Variants in AGAP9 observed in about 807,000 individuals in gnomAD.
The protein encoded by AGAP9 is arf-GAP with GTPase, ANK repeat and PH domain-containing protein 9.
In AGAP9, 23 loss-of-function variants were observed where a neutral mutation model predicts 55.6. That is an observed-to-expected ratio of 0.41 (90% confidence interval 0.30 to 0.59). The LOEUF (loss-of-function observed/expected upper bound fraction) is 0.59. Among genes scored for constraint, AGAP9 ranks in the 20% least tolerant of loss-of-function variants. The probability of loss-of-function intolerance (pLI) is 0.25; values close to 1 mark genes in which losing one functional copy is unlikely to be tolerated. For synonymous variants in AGAP9, 120 were observed against 305.0 expected (o/e 0.39, Z 6.32); for missense variants, 309 against 808.1 (o/e 0.38, Z 7.49).
At chr10:47,505,984 CT>C (rs1840468862) in intron 6 of AGAP9, among the ~76,000 whole-genome samples, 2 of 142,756 alleles carry the variant, frequency 1.4e-5, no homozygotes, top group Admixed American at 7.1e-5. Context: ...CTACTGTAGG[CT>C]TGGCAGCTTT....
chr10:47,510,764 A>G lies in AGAP9; in HGVS notation c.397-493T>C, dbSNP rs1325751345. Reference sequence around the variant, plus strand: ...AGAATGGGGCGAACCCAGGAGGCAGAGCTTGCAGTGAGCCGAGTTCGCGCC... The same window carrying G: ...AGAATGGGGCGAACCCAGGAGGCAGGGCTTGCAGTGAGCCGAGTTCGCGCC... On this transcript the variant is annotated intron_variant, in intron 4 of 7. Coordinates refer to ENST00000452145, the MANE Select transcript of AGAP9 (RefSeq NM_001190810.1). 1.8e-5 allele frequency among the ~76,000 whole-genome samples: 2 copies of G among 108,640 alleles called. 1 individual carries two copies. Among genetic ancestry groups the G allele is most frequent in the Non-Finnish European group, 3.5e-5 (2 of 57,538 alleles). The allele number at this position is 108,640 out of a possible 152,430, so 71.3% of individuals were successfully genotyped here. A position where few individuals can be genotyped will look rare whatever the true frequency, so the allele number is the denominator to read the frequency against.
chr10:47,510,585 C>CT (rs1267544356), intron 4 of AGAP9, among the ~76,000 whole-genome samples: 1 of 121,174 alleles, frequency 8.3e-6, no homozygotes, highest in Non-Finnish European at 1.7e-5. Flanking sequence ...AATCCTAGCA[C>CT]TTTGGGAGGT....
intron 4 of AGAP9, among the ~76,000 whole-genome samples, chr10:47,513,375 C>T (rs1301533072): frequency 1.1e-4 from 15 of 142,250 alleles, no homozygotes; most frequent in Admixed American, 5.0e-4. Flanking sequence ...CAAAACATTG[C>T]TGAATGAAGT....
rs1840581784 is a variant in AGAP9 at position 47,510,394 on chromosome 10, T to C, written c.397-123A>G. On this transcript the variant is annotated intron_variant, in intron 4 of 7. Coordinates refer to ENST00000452145, the MANE Select transcript of AGAP9 (RefSeq NM_001190810.1). ...CATGAACTGCCTGAGTGTGGTATCA[T>C]GTGCAATCTATAGAAAACCCATTGG... 5.8e-6 allele frequency: 8 copies of C among 1,386,308 alleles called. 1 individual carries two copies. The highest frequency in any genetic ancestry group is 3.9e-5 in the South Asian group (3 of 77,582). The allele number at this position is 1,386,308 out of a possible 1,614,324, so 85.9% of individuals were successfully genotyped here. A position where few individuals can be genotyped will look rare whatever the true frequency, so the allele number is the denominator to read the frequency against.
chr10:47,521,835 C>T (rs1217275421), intron 2 of AGAP9, among the ~76,000 whole-genome samples: 1 of 150,924 alleles, frequency 6.6e-6, no homozygotes, highest in Non-Finnish European at 1.5e-5. Flanking sequence ...GCCTGGAGTG[C>T]ATTGGCGTGA....
At chr10:47,516,506 G>A (rs2132492703) in intron 4 of AGAP9, among the ~76,000 whole-genome samples, 1 of 131,942 alleles carries the variant, frequency 7.6e-6, no homozygotes, top group Non-Finnish European at 1.6e-5. Context: ...CCAGGAAAAT[G>A]TGTTCAAGTA....
rs1247960358 is a variant in AGAP9 at position 47,520,973 on chromosome 10, T to C, written c.293-406A>G. On this transcript the variant is annotated intron_variant, in intron 2 of 7. Coordinates refer to ENST00000452145, the MANE Select transcript of AGAP9 (RefSeq NM_001190810.1). ...TCTATTTTATAGGCAAAATATAAGA[T>C]GTATTCTAGAGTTTTTAAAATTTTT... Among the ~76,000 whole-genome samples the C allele has an allele frequency of 1.3e-4, 15 of 116,854 alleles. 1 individual carries two copies. The highest frequency in any genetic ancestry group is 1.3e-4 in the Non-Finnish European group (8 of 60,086). The allele number at this position is 116,854 out of a possible 152,430, so 76.7% of individuals were successfully genotyped here. A position where few individuals can be genotyped will look rare whatever the true frequency, so the allele number is the denominator to read the frequency against.
chr10:47,506,396 T>C (rs1446369697), intron 6 of AGAP9, among the ~76,000 whole-genome samples: 5 of 140,278 alleles, frequency 3.6e-5, no homozygotes, highest in African/African-American at 1.3e-4. Flanking sequence ...AATGGCAAGA[T>C]CTCGGCTCAC....
At chr10:47,520,957 T>C (rs1182081979) in intron 2 of AGAP9, among the ~76,000 whole-genome samples, 26 of 121,242 alleles carry the variant, frequency 2.1e-4, no homozygotes, top group African/African-American at 8.2e-4. Context: ...GTCTATTTTA[T>C]AGGCAAAATA....
chr10:47,519,248 A>G (rs1192005702), intron 3 of AGAP9, among the ~76,000 whole-genome samples: 1 of 128,294 alleles, frequency 7.8e-6, no homozygotes, highest in Non-Finnish European at 1.6e-5. Context: ...CGGGTAGATC[A>G]CTTGAGGTCA....
At position 47,502,142 on chromosome 10, in the gene AGAP9, C is replaced by T. The variant is rs1205630397; in HGVS notation, c.*10G>A. 3.4e-5 allele frequency: 53 copies of T among 1,570,402 alleles called. 2 individuals are homozygous for T. In the Middle Eastern group the frequency reaches 9.3e-4, roughly 28 times the overall value. On this transcript the variant is annotated 3_prime_UTR_variant, in exon 8 of 8. Coordinates refer to ENST00000452145, the MANE Select transcript of AGAP9 (RefSeq NM_001190810.1). Reference sequence around the variant, plus strand: ...GATGCACTCCTGGCTGGAGGCCTGCCGGGCGTAGGTCAGCGCTGTGTTCCC... The same window carrying T: ...GATGCACTCCTGGCTGGAGGCCTGCTGGGCGTAGGTCAGCGCTGTGTTCCC...
chr10:47,523,143 T>G (rs1588955123), intron 1 of AGAP9, among the ~76,000 whole-genome samples, 161 bp downstream of exon 1: 3 of 120,822 alleles, frequency 2.5e-5, no homozygotes, highest in African/African-American at 3.3e-5. Flanking sequence ...GACTAAGGGG[T>G]GGGAATTCAA....
At chr10:47,510,918 TA>T (rs2132484348) in intron 4 of AGAP9, among the ~76,000 whole-genome samples, 3 of 130,930 alleles carry the variant, frequency 2.3e-5, no homozygotes, top group African/African-American at 8.6e-5. Context: ...GAATTTCTAT[TA>T]ATTAATTAAT....
Position 47,502,817 on chromosome 10 carries a change from T to A in AGAP9, c.1312A>T (p.Ile438Phe), listed in dbSNP as rs1295172949. 2 of 1,596,886 alleles carry A rather than the reference T, an allele frequency of 1.3e-6. No individual in the cohort carries two copies. The highest frequency in any genetic ancestry group is 2.7e-5 in the African/African-American group (2 of 72,920). The change falls in exon 8 of 8, where the codon ATC becomes TTC. Residue 438 changes from isoleucine (I) to phenylalanine (F), a missense_variant. Ile to Phe is a conservative substitution (Grantham distance 21). Coordinates refer to ENST00000452145, the MANE Select transcript of AGAP9 (RefSeq NM_001190810.1). The stretch of plus-strand genomic sequence containing the variant: ...AGGCTGGCCAGGATCTGGCTCTGGA[T>A]GGCTTGGACCCAGGCATCCCGCTCC... ...YEERDAWVQA[I>F]QSQILASLQS...
At chr10:47,519,647 CT>C (rs1182770190) in intron 3 of AGAP9, among the ~76,000 whole-genome samples, 1 of 33,950 alleles carries the variant, frequency 2.9e-5, no homozygotes, top group Non-Finnish European at 4.9e-5. Context: ...AATTAAACCT[CT>C]TTTTTGTTAT....
chr10:47,521,862 C>A (rs1333719212), intron 2 of AGAP9, among the ~76,000 whole-genome samples: 6 of 150,302 alleles, frequency 4.0e-5, no homozygotes, highest in Middle Eastern at 3.4e-3. Flanking sequence ...CTCACTGCAA[C>A]CTCCACCTCC....
intron 4 of AGAP9, among the ~76,000 whole-genome samples, chr10:47,512,905 ATC>A (rs1840655405): frequency 9.0e-6 from 1 of 111,038 alleles, no homozygotes; most frequent in Non-Finnish European, 1.8e-5. Flanking sequence ...CTTTTTCTGC[ATC>A]TGTTAAGATG....
At chr10:47,505,668 C>T (rs1187929423) in intron 6 of AGAP9, among the ~76,000 whole-genome samples, 4 of 113,576 alleles carry the variant, frequency 3.5e-5, no homozygotes, top group East Asian at 4.9e-4. Context: ...TTCAGGAGTT[C>T]GGGACCAGCC....
intron 3 of AGAP9, among the ~76,000 whole-genome samples, chr10:47,519,138 T>C (rs1840770249): frequency 7.3e-6 from 1 of 137,320 alleles, no homozygotes; most frequent in Non-Finnish European, 1.5e-5. Context: ...CCCATCCCCA[T>C]GGTAATAAGC....
Sources: allele counts gnomAD v4.1 joint callset (sites outside exome capture counted in the v4.1 genomes callset), GRCh38; gene constraint gnomAD v4.1.1; transcripts MANE v1.5; gene names NCBI Gene and HGNC (gene_info 2026-07-23, HGNC 2026-07-21).